The following PDE12 variants were observed in gnomAD, a reference collection of about 807,000 sequenced individuals.
PDE12 encodes 2',5'-phosphodiesterase 12.
In PDE12, 26 loss-of-function variants were observed where a neutral mutation model predicts 45.4. That is an observed-to-expected ratio of 0.57 (90% CI 0.42 to 0.79). The LOEUF is 0.79. Ranked by LOEUF, PDE12 falls within the 30% of genes least tolerant of loss-of-function variation. The pLI, the probability that PDE12 is intolerant of heterozygous loss-of-function variation, is 0.00. For synonymous variants in PDE12, 283 were observed against 323.9 expected, an observed-to-expected ratio of 0.87 and a Z score of 1.36; for missense variants, 668 against 790.0, an observed-to-expected ratio of 0.85 and a Z score of 1.85.
At chr3:57,584,597 G>T in the PDE12 span, 3 of 756,184 alleles carry the variant, frequency 4.0e-6, no homozygotes, top group East Asian at 2.6e-5. Flanking sequence ...GAAATGAAAT[G>T]ACCTTATTTC....
At chr3:57,627,727 G>C in the PDE12 span, 20,296 of 152,958 alleles carry the variant, frequency 0.13, 1,436 homozygotes, top group South Asian at 0.21. Flanking sequence ...GCTGAACTGT[G>C]AAACATGTAG....
the PDE12 span, chr3:57,597,197 C>G: frequency 6.6e-7 from 1 of 1,518,588 alleles, no homozygotes; most frequent in East Asian, 2.3e-5. Context: ...CGACCCCGTG[C>G]TTTCTCCTTT....
At chr3:57,568,068 CAAAAAAAAAAA>C (rs11360766), downstream of PDE12, among the ~76,000 whole-genome samples, 2 of 47,534 alleles carry the variant, frequency 4.2e-5, no homozygotes, top group African/African-American at 2.0e-4. Flanking sequence ...GACTCCATCT[CAAAAAAAAAAA>C]AAAAAAAAAA....
At chr3:57,572,107 A>G in the PDE12 span, 22,760 of 842,342 alleles carry the variant, frequency 0.027, 398 homozygotes, top group Middle Eastern at 0.036. Context: ...TTCTGCCCAA[A>G]CCAGTCCCAG....
At chr3:57,634,585 A>T in the PDE12 span, 1 of 1,448,732 alleles carries the variant, frequency 6.9e-7, no homozygotes, top group South Asian at 1.4e-5. Context: ...TGATCTCTTC[A>T]TCTCTATTTA....
At chr3:57,610,729 TAAAG>T in the PDE12 span, among the ~76,000 whole-genome samples, 1 of 151,880 alleles carries the variant, frequency 6.6e-6, no homozygotes, top group Non-Finnish European at 1.5e-5. Flanking sequence ...CTCGAGGAAA[TAAAG>T]GAGGACACAA....
At chr3:57,578,144 C>T in the PDE12 span, among the ~76,000 whole-genome samples, 4 of 152,026 alleles carry the variant, frequency 2.6e-5, no homozygotes, top group Non-Finnish European at 5.9e-5. Context: ...GGTGGGATAG[C>T]GCGAGTGTGT....
chr3:57,571,810 T>C (rs2069845861), downstream of PDE12: 1 of 169,316 alleles, frequency 5.9e-6, no homozygotes. Flanking sequence ...TAAATACAAA[T>C]GGAATGCTAC....
At chr3:57,573,201 CA>C in the PDE12 span, among the ~76,000 whole-genome samples, 356 of 125,690 alleles carry the variant, frequency 2.8e-3, no homozygotes, top group African/African-American at 7.5e-3. Context: ...GACTCCATCT[CA>C]AAAAAAAAAA....
the PDE12 span, among the ~76,000 whole-genome samples, chr3:57,580,592 G>C: frequency 6.6e-6 from 1 of 150,744 alleles, no homozygotes; most frequent in African/African-American, 2.4e-5. Context: ...TTTTTTTGTA[G>C]AGACAGGGTT....
the PDE12 span, among the ~76,000 whole-genome samples, chr3:57,604,442 A>G: frequency 1.3e-5 from 2 of 152,068 alleles, no homozygotes; most frequent in African/African-American, 4.8e-5. Flanking sequence ...AGAATTCTCA[A>G]ACTTAAGCCT....
rs1329070677 is a variant in PDE12 at position 57,566,619 on chromosome 3, AAC to A, written c.*6618_*6619del. 6.6e-6 allele frequency: 1 copy of A among 152,136 alleles called. No homozygotes were observed. The highest frequency in any genetic ancestry group is 1.5e-5 in the Non-Finnish European group (1 of 68,030). The allele number at this position is 152,136 out of a possible 1,614,324, so 9.4% of individuals were successfully genotyped here. A position where few individuals can be genotyped will look rare whatever the true frequency, so the allele number is the denominator to read the frequency against. On this transcript the variant is annotated 3_prime_UTR_variant, in exon 3 of 3. Transcript: ENST00000311180. Reference sequence around the variant, plus strand: ...GTTCCAGTTTCCCTCCATCCTCATTAACACTTTATTATCTTTTTGATTATAGG... The same window carrying A: ...GTTCCAGTTTCCCTCCATCCTCATTAACTTTATTATCTTTTTGATTATAGG...
At chr3:57,640,366 G>A in the PDE12 span, among the ~76,000 whole-genome samples, 19 of 152,114 alleles carry the variant, frequency 1.2e-4, no homozygotes, top group South Asian at 4.0e-3. Context: ...GCCAAGGTGG[G>A]CAGATCACCT....
chr3:57,650,970 G>C, the PDE12 span, among the ~76,000 whole-genome samples: 2 of 152,072 alleles, frequency 1.3e-5, no homozygotes, highest in Non-Finnish European at 2.9e-5. Context: ...TTTTAGTAGA[G>C]ATGGGGTTTC....
the PDE12 span, among the ~76,000 whole-genome samples, chr3:57,595,736 G>A: frequency 2.0e-5 from 3 of 152,148 alleles, no homozygotes; most frequent in Non-Finnish European, 4.4e-5. Context: ...ATCACCTGAG[G>A]TGAGGAGTTC....
chr3:57,577,356 C>G, the PDE12 span: 2 of 1,613,418 alleles, frequency 1.2e-6, no homozygotes, highest in Non-Finnish European at 1.7e-6. Flanking sequence ...AATTCTTTCA[C>G]GATCGTTGCT....
chr3:57,618,640 C>T, the PDE12 span, among the ~76,000 whole-genome samples: 6 of 92,366 alleles, frequency 6.5e-5, no homozygotes, highest in Admixed American at 1.7e-4. Context: ...GATGGAGTTT[C>T]GCTCGTTGCC....
the PDE12 span, among the ~76,000 whole-genome samples, chr3:57,632,019 G>C: frequency 3.4e-5 from 4 of 117,066 alleles, no homozygotes; most frequent in Non-Finnish European, 6.9e-5. Context: ...ACCGCGCCCG[G>C]CCTTTTTTTT....
chr3:57,590,660 A>G, the PDE12 span, among the ~76,000 whole-genome samples: 53 of 146,010 alleles, frequency 3.6e-4, no homozygotes, highest in Non-Finnish European at 7.4e-4. Context: ...TCATAATTAT[A>G]AGTGTGTGTG....
Sources: gnomAD v4.1 joint callset for allele counts (sites outside exome capture counted in the v4.1 genomes callset) on GRCh38, gnomAD v4.1.1 for gene constraint, MANE v1.5 for transcripts, NCBI Gene and HGNC (gene_info 2026-07-23, HGNC 2026-07-21) for gene names.